Variants in ZMAT3 observed in about 807,000 individuals in gnomAD.
ZMAT3 encodes zinc finger matrin-type protein 3.
In ZMAT3, 17 loss-of-function variants were observed where a neutral mutation model predicts 32.3. The observed-to-expected ratio is 0.53, with a 90% CI of 0.36 to 0.79. The LOEUF is 0.79. ZMAT3 is among the 30% of genes least tolerant of loss of function. The pLI, the probability that ZMAT3 is intolerant of heterozygous loss-of-function variation, is 0.00. For synonymous variants in ZMAT3, 120 were observed against 133.1 expected, an observed-to-expected ratio of 0.90 and a Z score of 0.68; for missense variants, 329 against 359.7, an observed-to-expected ratio of 0.91 and a Z score of 0.69.
chr3:179,032,492 C>T (rs942300855), intron 2 of ZMAT3, among the ~76,000 whole-genome samples: 37 of 151,588 alleles, frequency 2.4e-4, no homozygotes, highest in African/African-American at 8.7e-4. Context: ...GCCCCTCTGC[C>T]CGGCCGCCCA....
intron 2 of ZMAT3, among the ~76,000 whole-genome samples, chr3:179,056,486 C>T (rs904202348): frequency 6.6e-6 from 1 of 152,140 alleles, no homozygotes; most frequent in Non-Finnish European, 1.5e-5. Flanking sequence ...TAGAAATAAG[C>T]CGCCCCCTTG....
In ZMAT3 at chr3:179,017,346, A is replaced by G. The variant is rs1718326722; in HGVS notation, c.*7671T>C. ...GATACACAGCCAAAATGAGCCATCAACAAAAGCAGTATAAATTTTAAATAA... is the reference window on the plus strand; with the variant it reads ...GATACACAGCCAAAATGAGCCATCAGCAAAAGCAGTATAAATTTTAAATAA... On this transcript the variant is annotated 3_prime_UTR_variant, in exon 6 of 6. Coordinates refer to ENST00000311417, the MANE Select transcript of ZMAT3 (RefSeq NM_022470.4). 1 of 152,222 alleles carries G rather than the reference A, an allele frequency of 6.6e-6. No homozygotes were observed. Among genetic ancestry groups the G allele is most frequent in the African/African-American group, 2.4e-5 (1 of 41,458 alleles). The allele number at this position is 152,222 out of a possible 1,614,324, so 9.4% of individuals were successfully genotyped here.
chr3:179,052,775 A>G (rs1314006688), intron 2 of ZMAT3, among the ~76,000 whole-genome samples: 1 of 152,234 alleles, frequency 6.6e-6, no homozygotes, highest in Non-Finnish European at 1.5e-5. Context: ...AATGTGGCAC[A>G]TATTAATATA....
intron 2 of ZMAT3, among the ~76,000 whole-genome samples, chr3:179,042,275 A>G (rs954473200): frequency 1.3e-5 from 2 of 152,218 alleles, no homozygotes; most frequent in African/African-American, 2.4e-5. Flanking sequence ...AACAAAAACC[A>G]GAGAACTTTA....
chr3:179,028,361 T>C (rs1376689289), intron 3 of ZMAT3, among the ~76,000 whole-genome samples: 1 of 152,154 alleles, frequency 6.6e-6, no homozygotes, highest in Admixed American at 6.5e-5. Flanking sequence ...GAATAACATG[T>C]TAAAGAGAGC....
At chr3:179,033,187 C>T (rs1371385591) in intron 2 of ZMAT3, among the ~76,000 whole-genome samples, 1 of 152,148 alleles carries the variant, frequency 6.6e-6, no homozygotes, top group Non-Finnish European at 1.5e-5. Context: ...TAACCTTACC[C>T]CCAACCCCGT....
At position 179,019,300 on chromosome 3, in the gene ZMAT3, T is replaced by A. The variant is rs559516138; in HGVS notation, c.*5717A>T. 4.3e-4 allele frequency: 66 copies of A among 152,128 alleles called. No homozygotes were observed. The highest frequency in any genetic ancestry group is 1.4e-3 in the African/African-American group (60 of 41,532). 9.4% of individuals were successfully genotyped at this position (152,128 alleles called of 1,614,324 possible). A position where few individuals can be genotyped will look rare whatever the true frequency, so the allele number is the denominator to read the frequency against. Reference sequence around the variant, plus strand: ...AGGAAAAAAAAAAAAGTATGTTAATTGGCTCAGATTATCAACTTCATACAC... The same window carrying A: ...AGGAAAAAAAAAAAAGTATGTTAATAGGCTCAGATTATCAACTTCATACAC... On this transcript the variant is annotated 3_prime_UTR_variant, in exon 6 of 6. Transcript: ENST00000311417.
At chr3:179,057,781 G>C (rs971225171) in intron 2 of ZMAT3, among the ~76,000 whole-genome samples, 1 of 152,126 alleles carries the variant, frequency 6.6e-6, no homozygotes, top group South Asian at 2.1e-4. Flanking sequence ...CAACTAATAG[G>C]GTTCCTTAAC....
intron 2 of ZMAT3, among the ~76,000 whole-genome samples, chr3:179,031,842 G>A (rs1719213868): frequency 6.6e-6 from 1 of 151,142 alleles, no homozygotes; most frequent in Non-Finnish European, 1.5e-5. Context: ...GGGAGGCGGA[G>A]GTTGCAGTGA....
chr3:179,025,319 T>TA, intron 5 of ZMAT3, 91 bp from the exon 6 acceptor site: 1 of 1,091,746 alleles, frequency 9.2e-7, no homozygotes, highest in Non-Finnish European at 1.3e-6. Flanking sequence ...AATTCTAAGT[T>TA]CAAATTATAA....
rs1325074769 is a variant in ZMAT3 at position 179,023,343 on chromosome 3, T to C, written c.*1674A>G. The C allele has an allele frequency of 6.6e-6, 1 of 152,044 alleles. No homozygotes were observed. Among genetic ancestry groups the C allele is most frequent in the Non-Finnish European group, 1.5e-5 (1 of 68,000 alleles). 9.4% of individuals were successfully genotyped at this position (152,044 alleles called of 1,614,324 possible). On this transcript the variant is annotated 3_prime_UTR_variant, in exon 6 of 6. Transcript: ENST00000311417. ...TCAGATGCCAAAGTGATCTATCATA[T>C]ACTTGTTAGTATCTTCAAGAAAGCC...
intron 2 of ZMAT3, among the ~76,000 whole-genome samples, chr3:179,063,302 C>T (rs965421622): frequency 1.3e-5 from 2 of 152,204 alleles, no homozygotes; most frequent in African/African-American, 4.8e-5. Context: ...ATGTAAGTGC[C>T]AAAATCAGTG....
intron 2 of ZMAT3, among the ~76,000 whole-genome samples, chr3:179,057,943 C>A (rs1720937886): frequency 6.6e-6 from 1 of 152,190 alleles, no homozygotes; most frequent in African/African-American, 2.4e-5. Context: ...GGCCCTAACC[C>A]AAGTCCCAGT....
intron 2 of ZMAT3, among the ~76,000 whole-genome samples, chr3:179,054,999 C>T (rs1315193532): frequency 1.3e-5 from 2 of 152,108 alleles, no homozygotes; most frequent in Admixed American, 6.6e-5. Context: ...CCTTGGAATC[C>T]GTGAGGCCAA....
chr3:179,052,468 T>A (rs1158180885), intron 2 of ZMAT3, among the ~76,000 whole-genome samples: 1 of 152,224 alleles, frequency 6.6e-6, no homozygotes, highest in Non-Finnish European at 1.5e-5. Flanking sequence ...CCTGCAAGAA[T>A]GGCCATAATC....
Position 179,022,258 on chromosome 3 carries a change from T to C in ZMAT3, c.*2759A>G, listed in dbSNP as rs983934137. ...TGCTTTTTCTACGTATATAATGAAA[T>C]TGTTAAGTGGAGAGAGCAAGGGGAA... is the stretch of plus-strand genomic sequence containing the variant. On this transcript the variant is annotated 3_prime_UTR_variant, in exon 6 of 6. Transcript: ENST00000311417. The C allele has an allele frequency of 2.0e-5, 3 of 152,166 alleles. No individual in the cohort carries two copies. Among genetic ancestry groups the C allele is most frequent in the African/African-American group, 7.2e-5 (3 of 41,440 alleles). 9.4% of individuals were successfully genotyped at this position (152,166 alleles called of 1,614,324 possible). A position where few individuals can be genotyped will look rare whatever the true frequency, so the allele number is the denominator to read the frequency against.
chr3:179,070,501 T>G (rs1012708390), intron 1 of ZMAT3, among the ~76,000 whole-genome samples: 1 of 149,568 alleles, frequency 6.7e-6, no homozygotes, highest in Non-Finnish European at 1.5e-5. Flanking sequence ...GTATGACAAT[T>G]GCATCAAATA....
At chr3:179,032,909 G>T (rs1560086344) in intron 2 of ZMAT3, among the ~76,000 whole-genome samples, 1 of 151,772 alleles carries the variant, frequency 6.6e-6, no homozygotes, top group Non-Finnish European at 1.5e-5. Flanking sequence ...CTGGGAGGTG[G>T]GGGGGCGTCT....
At chr3:179,048,939 A>G (rs1720393683) in intron 2 of ZMAT3, among the ~76,000 whole-genome samples, 1 of 152,246 alleles carries the variant, frequency 6.6e-6, no homozygotes, top group Admixed American at 6.5e-5. Context: ...CTCGTGATAC[A>G]TAAGGACTCA....
Sources: allele counts gnomAD v4.1 joint callset (sites outside exome capture counted in the v4.1 genomes callset), GRCh38; gene constraint gnomAD v4.1.1; transcripts MANE v1.5; gene names NCBI Gene and HGNC (gene_info 2026-07-23, HGNC 2026-07-21).